The following ANK1 variants were observed in gnomAD, a reference collection of about 807,000 sequenced individuals.
ANK1 encodes ankyrin-1.
Under a neutral mutation model 210.4 loss-of-function variants are expected in ANK1, and 51 were observed. That is an observed-to-expected ratio of 0.24 (90% CI 0.19 to 0.31). The LOEUF (loss-of-function observed/expected upper bound fraction) is 0.31. Ranked by LOEUF, ANK1 falls within the 10% of genes least tolerant of loss-of-function variation. The probability of loss-of-function intolerance (pLI) is 1.00; values close to 1 mark genes in which losing one functional copy is unlikely to be tolerated. For missense variants in ANK1, 2,051 were observed against 2,504.4 expected (o/e 0.82, Z 3.86); for synonymous variants, 967 against 1,025.9 (o/e 0.94, Z 1.10).
At chr8:41,808,730 C>T (rs1046127010) in intron 1 of ANK1, among the ~76,000 whole-genome samples, 1 of 151,846 alleles carries the variant, frequency 6.6e-6, no homozygotes, top group Non-Finnish European at 1.5e-5. Flanking sequence ...TTTAACCCAC[C>T]CCCTACTGCT....
At chr8:41,832,253 G>C (rs915917146) in intron 1 of ANK1, among the ~76,000 whole-genome samples, 1 of 152,132 alleles carries the variant, frequency 6.6e-6, no homozygotes, top group Non-Finnish European at 1.5e-5. Flanking sequence ...GAAGGGGAGA[G>C]ACGGGGAAAG....
At chr8:41,877,558 A>G (rs142260955) in intron 1 of ANK1, among the ~76,000 whole-genome samples, 1 of 152,276 alleles carries the variant, frequency 6.6e-6, no homozygotes, top group Non-Finnish European at 1.5e-5. Flanking sequence ...AGATTTTGGA[A>G]ATCCAGTTTA....
intron 27 of ANK1, 63 bp downstream of exon 27, chr8:41,695,114 A>G (rs1820470901): frequency 1.2e-6 from 2 of 1,607,060 alleles, no homozygotes; most frequent in East Asian, 2.2e-5. Context: ...ACCACCTTTA[A>G]GGTGCAACTC....
At chr8:41,747,103 A>G (rs1179807849) in intron 2 of ANK1, among the ~76,000 whole-genome samples, 1 of 152,192 alleles carries the variant, frequency 6.6e-6, no homozygotes. Flanking sequence ...CATGTACAGA[A>G]AAAGTAATAT....
intron 7 of ANK1, 73 bp from the exon 8 acceptor site, chr8:41,723,706 C>T: frequency 7.3e-7 from 1 of 1,374,448 alleles, no homozygotes; most frequent in Non-Finnish European, 1.0e-6. Flanking sequence ...ACCCGCTCCC[C>T]TTGTCCCCAG....
Position 41,805,177 on chromosome 8 carries a change from C to A in ANK1, c.127-47040G>T, listed in dbSNP as rs968782685. 3.3e-5 allele frequency among the ~76,000 whole-genome samples: 5 copies of A among 149,976 alleles called. No homozygotes were observed. The South Asian group carries it at 1.1e-3, about 32-fold the overall frequency. ...GCTCTTTCTCTCTCTCTCTTTCTTT[C>A]TTTCTTTCTCTCTCTCTGTCCCTCT... On this transcript the variant is annotated intron_variant, in intron 1 of 42. Transcript: ENST00000265709.
At position 41,864,739 on chromosome 8, in the gene ANK1, C is replaced by T. The variant is rs138172289; in HGVS notation, c.126+31616G>A. 1.2e-3 allele frequency among the ~76,000 whole-genome samples: 176 copies of T among 152,348 alleles called. 1 individual carries two copies. Among genetic ancestry groups the T allele is most frequent in the African/African-American group, 3.8e-3 (160 of 41,576 alleles). On this transcript the variant is annotated intron_variant, in intron 1 of 42. Coordinates refer to the ANK1 transcript ENST00000265709. ...TCAGACCCCTTACCAACCTAACCGTCGTCACTCATGGAACCACGGCTGAGT... is the reference window on the plus strand; with the variant it reads ...TCAGACCCCTTACCAACCTAACCGTTGTCACTCATGGAACCACGGCTGAGT...
chr8:41,692,840 A>G lies in ANK1; in HGVS notation c.3666T>C (p.Ala1222=), dbSNP rs754093128. The G allele has an allele frequency of 1.3e-5, 21 of 1,613,984 alleles. No homozygotes were observed. Among genetic ancestry groups the G allele is most frequent in the Non-Finnish European group, 1.7e-5 (20 of 1,180,034 alleles). The change falls in exon 31 of 43, where the codon GCT becomes GCC. Residue 1222 remains alanine, a synonymous_variant. Transcript: ENST00000289734. Reference sequence around the variant, plus strand: ...TGTACAGCAGGGTGGCAAAGTTCACAGCCTCAGCAGTCCGAGGACAGTCCG... The same window carrying G: ...TGTACAGCAGGGTGGCAAAGTTCACGGCCTCAGCAGTCCGAGGACAGTCCG... ...WLSDCPRTAE[A]VNFATLLYKE...
intron 1 of ANK1, among the ~76,000 whole-genome samples, chr8:41,896,146 C>G (rs902359124): frequency 6.6e-6 from 1 of 152,186 alleles, no homozygotes; most frequent in African/African-American, 2.4e-5. Flanking sequence ...ACCCGCTCTG[C>G]CCTTCCAGCC....
chr8:41,775,168 C>T (rs548663208), intron 1 of ANK1, among the ~76,000 whole-genome samples: 5 of 152,342 alleles, frequency 3.3e-5, no homozygotes, highest in Non-Finnish European at 7.3e-5. Flanking sequence ...ATGGCACGCT[C>T]TTCCTCAGCA....
At chr8:41,892,253 C>T (rs1425104959) in intron 1 of ANK1, among the ~76,000 whole-genome samples, 2 of 151,622 alleles carry the variant, frequency 1.3e-5, no homozygotes, top group Non-Finnish European at 2.9e-5. Flanking sequence ...CACCCCAAAT[C>T]TCCCCTGTGA....
At chr8:41,825,133 G>A (rs534554947) in intron 1 of ANK1, among the ~76,000 whole-genome samples, 8 of 152,280 alleles carry the variant, frequency 5.3e-5, no homozygotes, top group South Asian at 2.1e-4. Flanking sequence ...CAGGAACTTC[G>A]GCCGCATTCT....
chr8:41,719,625 C>A, intron 10 of ANK1, 36 bp downstream of exon 10: 1 of 1,613,672 alleles, frequency 6.2e-7, no homozygotes, highest in Non-Finnish European at 8.5e-7. Context: ...GCCTGCCCTG[C>A]CACTCTGCAC....
chr8:41,801,620 T>A (rs978051413), upstream of ANK1, among the ~76,000 whole-genome samples: 5 of 152,222 alleles, frequency 3.3e-5, no homozygotes, highest in African/African-American at 1.2e-4. Flanking sequence ...ACTAATGAGG[T>A]TGAGCATCTT....
At position 41,718,208 on chromosome 8, in the gene ANK1, C is replaced by A. The variant is rs746559737; in HGVS notation, c.1108-4G>T. The A allele has an allele frequency of 6.2e-7, 1 of 1,613,160 alleles. No homozygotes were observed. Among genetic ancestry groups the A allele is most frequent in the Non-Finnish European group, 8.5e-7 (1 of 1,179,552 alleles). ...TGTGTAAGGGGGTAAAGCCATTCTG[C>A]AGCCCACACAAAGGGAGACAGACAA... On this transcript the variant is annotated splice_region_variant and splice_polypyrimidine_tract_variant and intron_variant, in intron 10 of 42. Coordinates refer to ENST00000289734, the MANE Select transcript of ANK1 (RefSeq NM_000037.4).
intron 1 of ANK1, among the ~76,000 whole-genome samples, chr8:41,782,529 C>G (rs537871100): frequency 6.6e-6 from 1 of 152,130 alleles, no homozygotes; most frequent in African/African-American, 2.4e-5. Flanking sequence ...ACTGAGTGAG[C>G]CCTGCATCCA....
intron 1 of ANK1, among the ~76,000 whole-genome samples, chr8:41,837,728 G>C (rs1338697646): frequency 6.6e-6 from 1 of 152,120 alleles, no homozygotes; most frequent in Non-Finnish European, 1.5e-5. Flanking sequence ...AAAATCAGCA[G>C]GGTGTGGTGG....
rs753586006 is a variant in ANK1 at position 41,690,517 on chromosome 8, T to G, written c.3941A>C (p.His1314Pro). Residue 1314 changes from histidine (H) to proline (P), a missense_variant, in exon 32 of 43, where the codon CAC becomes CCC. This residue lies in a region of ANK1 where 1,413 missense variants were observed against 1,707.4 expected (regional missense o/e 0.83). Transcript: ENST00000289734. The part of the protein sequence containing the change: ...VKKAAQQRSF[H>P]FQSFRENRLA... ...ACGGTTCTCCCGAAATGACTGGAAG[T>G]GGAAGCTCCGCTGCTGGGCAGCTTT... 80 of 1,614,042 alleles carry G rather than the reference T, an allele frequency of 5.0e-5. No individual in the cohort carries two copies. The highest frequency in any genetic ancestry group is 6.5e-5 in the Non-Finnish European group (77 of 1,180,026).
At position 41,692,756 on chromosome 8, in the gene ANK1, G is replaced by T. The variant is rs1273182651; in HGVS notation, c.3750C>A (p.Asp1250Glu). 1 of 1,614,072 alleles carries T rather than the reference G, an allele frequency of 6.2e-7. No individual in the cohort carries two copies. The highest frequency in any genetic ancestry group is 8.5e-7 in the Non-Finnish European group (1 of 1,180,006). ...AGCAGCGCAGGCGCCCCTCTCGGGGGTCATTCATCTTGGCAAAGATGACGA... is the reference window on the plus strand; with the variant it reads ...AGCAGCGCAGGCGCCCCTCTCGGGGTTCATTCATCTTGGCAAAGATGACGA... ...AKFVIFAKMN[D>E]PREGRLRCYC... is the part of the protein sequence containing the mutation. Residue 1250 changes from aspartate (D) to glutamate (E), a missense_variant, in exon 31 of 43, where the codon GAC becomes GAA. By Grantham distance (45) the Asp-to-Glu change is conservative. This residue lies in a region of ANK1 where 1,413 missense variants were observed against 1,707.4 expected (regional missense o/e 0.83). Transcript: ENST00000289734.
Sources: allele counts gnomAD v4.1 joint callset (sites outside exome capture counted in the v4.1 genomes callset), GRCh38; gene constraint gnomAD v4.1.1; regional missense constraint gnomAD v4.1.1; transcripts MANE v1.5; gene names NCBI Gene and HGNC (gene_info 2026-07-23, HGNC 2026-07-21).